MYO16: variants seen among roughly 807,000 people sequenced by gnomAD.
MYO16 encodes myosin XVI.
MYO16 carries 94 observed loss-of-function variants against 205.3 expected under a neutral mutation model. The ratio of observed to expected loss-of-function variants is 0.46; its 90% CI spans 0.39 to 0.54. MYO16 has a LOEUF of 0.54. Among genes scored for constraint, MYO16 ranks in the 20% least tolerant of loss-of-function variants. The pLI is 0.00. For missense variants in MYO16, 2,315 were observed against 2,387.5 expected, an observed-to-expected ratio of 0.97 and a Z score of 0.63; for synonymous variants, 988 against 954.0, an observed-to-expected ratio of 1.04 and a Z score of -0.66.
chr13:108,783,872 A>G (rs986820157), intron 4 of MYO16, among the ~76,000 whole-genome samples: 1 of 152,204 alleles, frequency 6.6e-6, no homozygotes, highest in African/African-American at 2.4e-5. Context: ...TGTGAGTCCA[A>G]TTAAACCTCC....
At chr13:108,875,107 A>G (rs1309480373) in intron 12 of MYO16, among the ~76,000 whole-genome samples, 2 of 152,240 alleles carry the variant, frequency 1.3e-5, no homozygotes, top group Non-Finnish European at 2.9e-5. Flanking sequence ...ATCTGGAACT[A>G]GAGTCCATCT....
chr13:109,114,973 C>T (rs1875601101), intron 28 of MYO16, among the ~76,000 whole-genome samples: 2 of 152,074 alleles, frequency 1.3e-5, no homozygotes, highest in African/African-American at 4.8e-5. Context: ...AAGAGTTCTA[C>T]ATTAGATGTT....
intron 16 of MYO16, among the ~76,000 whole-genome samples, chr13:108,911,683 C>T (rs1213785144): frequency 2.6e-5 from 4 of 152,248 alleles, no homozygotes; most frequent in East Asian, 1.9e-4. Context: ...GTTTTCACTT[C>T]GAAGGTGATT....
At chr13:109,084,614 C>A (rs1888381008) in intron 27 of MYO16, among the ~76,000 whole-genome samples, 1 of 152,100 alleles carries the variant, frequency 6.6e-6, no homozygotes, top group South Asian at 2.1e-4. Flanking sequence ...CTTAAGTTTA[C>A]TCACTTTATT....
chr13:108,915,710 G>GT (rs1218445984), intron 16 of MYO16, among the ~76,000 whole-genome samples: 1 of 152,164 alleles, frequency 6.6e-6, no homozygotes, highest in Non-Finnish European at 1.5e-5. Context: ...AATCCAAAAA[G>GT]TTATTCTGAA....
chr13:108,697,852 A>C (rs1883148430), intron 2 of MYO16, among the ~76,000 whole-genome samples: 1 of 151,912 alleles, frequency 6.6e-6, no homozygotes, highest in Non-Finnish European at 1.5e-5. Flanking sequence ...CCTCCCCAGT[A>C]GCTGGGGCTA....
chr13:108,749,101 C>G (rs1885149543), intron 4 of MYO16, among the ~76,000 whole-genome samples: 1 of 152,164 alleles, frequency 6.6e-6, no homozygotes, highest in East Asian at 1.9e-4. Context: ...TATGTATACA[C>G]TATGGAATGG....
chr13:108,942,445 A>G (rs1882770153), intron 16 of MYO16, among the ~76,000 whole-genome samples: 1 of 152,236 alleles, frequency 6.6e-6, no homozygotes. Flanking sequence ...TGGAATGCAC[A>G]CAGAGAGTTT....
intron 20 of MYO16, among the ~76,000 whole-genome samples, chr13:108,971,523 A>G (rs937279155): frequency 6.6e-6 from 1 of 151,264 alleles, no homozygotes; most frequent in African/African-American, 2.4e-5. Flanking sequence ...TCAACTTGAT[A>G]TGACATCCAC....
chr13:109,199,732 T>G (rs555029009), intron 34 of MYO16, among the ~76,000 whole-genome samples: 85 of 152,180 alleles, frequency 5.6e-4, no homozygotes, highest in Non-Finnish European at 9.6e-4. Context: ...CAAAAAGAAA[T>G]GGTATCAAAA....
At position 108,844,810 on chromosome 13, in the gene MYO16, T is replaced by C. The variant is rs572119073; in HGVS notation, c.1248+317T>C. On this transcript the variant is annotated intron_variant, in intron 10 of 34. Transcript: ENST00000457511. ...TATTTTGATTTTTATGTATTCTGTG[T>C]TTTCTTGGTTTATTTCAATGACCCA... 3.9e-5 allele frequency among the ~76,000 whole-genome samples: 6 copies of C among 152,348 alleles called. No homozygotes were observed. In the South Asian group the frequency reaches 1.0e-3, roughly 26 times the overall value.
At chr13:109,103,358 T>C (rs932311121) in intron 28 of MYO16, among the ~76,000 whole-genome samples, 4 of 152,192 alleles carry the variant, frequency 2.6e-5, no homozygotes, top group African/African-American at 9.7e-5. Flanking sequence ...ATTCTATCTG[T>C]AGCATTATTT....
At chr13:108,540,155 G>A in the MYO16 span, among the ~76,000 whole-genome samples, 7 of 152,192 alleles carry the variant, frequency 4.6e-5, no homozygotes, top group East Asian at 3.9e-4. Flanking sequence ...TATTGAATGA[G>A]AGCCTGAACA....
intron 27 of MYO16, among the ~76,000 whole-genome samples, chr13:109,062,425 T>G (rs975430684): frequency 6.6e-6 from 1 of 152,184 alleles, no homozygotes; most frequent in African/African-American, 2.4e-5. Flanking sequence ...GTACAGTGAG[T>G]AAAAAGGAAT....
At chr13:108,937,804 G>A (rs963600814) in intron 16 of MYO16, among the ~76,000 whole-genome samples, 6 of 151,956 alleles carry the variant, frequency 3.9e-5, no homozygotes, top group Non-Finnish European at 8.8e-5. Flanking sequence ...AACTTTCTTT[G>A]TGTTGATTTT....
At chr13:109,104,962 C>T (rs1371335667) in intron 28 of MYO16, among the ~76,000 whole-genome samples, 2 of 152,106 alleles carry the variant, frequency 1.3e-5, no homozygotes, top group Non-Finnish European at 2.9e-5. Context: ...AGATTGCAGT[C>T]CTTAACATGC....
chr13:108,997,338 A>AAGAGAGAGAGAGAGAG (rs869174444), intron 21 of MYO16, among the ~76,000 whole-genome samples: 2 of 5,536 alleles, frequency 3.6e-4, no homozygotes, highest in African/African-American at 1.4e-3. Flanking sequence ...GAAAGAAAGA[A>AAGAGAGAGAGAGAGAG]AGAGAGAGAG....
chr13:108,825,464 A>G (rs1240884095), intron 9 of MYO16, among the ~76,000 whole-genome samples: 2 of 152,056 alleles, frequency 1.3e-5, no homozygotes, highest in East Asian at 3.9e-4. Context: ...CTAACGTCAT[A>G]CTCAATGGTG....
intron 3 of MYO16, 51 bp downstream of exon 3, chr13:108,712,782 T>G: frequency 6.9e-7 from 1 of 1,445,834 alleles, no homozygotes. Context: ...CGGGGGAGAG[T>G]ACATTACAGG....
Sources: allele counts gnomAD v4.1 joint callset (sites outside exome capture counted in the v4.1 genomes callset), GRCh38; gene constraint gnomAD v4.1.1; transcripts MANE v1.5; gene names NCBI Gene and HGNC (gene_info 2026-07-23, HGNC 2026-07-21).